The following PACS1 variants were observed in gnomAD, a reference collection of about 807,000 sequenced individuals.
PACS1 encodes the protein phosphofurin acidic cluster sorting protein 1.
Under a neutral mutation model 115.0 loss-of-function variants are expected in PACS1, and 24 were observed. The observed-to-expected ratio is 0.21, with a 90% CI of 0.15 to 0.29. PACS1 has a LOEUF of 0.29. PACS1 is among the 10% of genes least tolerant of loss of function. The pLI, the probability that PACS1 is intolerant of heterozygous loss-of-function variation, is 1.00. For missense variants in PACS1, 838 were observed against 1,251.2 expected (o/e 0.67, Z 4.98); for synonymous variants, 453 against 504.5 (o/e 0.90, Z 1.37).
At chr11:66,091,626 T>G (rs1857667915) in intron 1 of PACS1, among the ~76,000 whole-genome samples, 1 of 151,502 alleles carries the variant, frequency 6.6e-6, no homozygotes, top group African/African-American at 2.4e-5. Context: ...ACCCATTAAC[T>G]CATCATTTAG....
intron 1 of PACS1, among the ~76,000 whole-genome samples, chr11:66,132,234 GC>G (rs148930444): frequency 0.026 from 4,015 of 152,208 alleles, 168 homozygotes; most frequent in African/African-American, 0.091. Context: ...TATAAATGGT[GC>G]TTTTTTCCTG....
At chr11:66,085,456 AT>A (rs1485751935) in intron 1 of PACS1, among the ~76,000 whole-genome samples, 2 of 152,254 alleles carry the variant, frequency 1.3e-5, no homozygotes, top group African/African-American at 4.8e-5. Context: ...CGTTCTGCTC[AT>A]TATATCTAGA....
At chr11:66,115,837 G>A (rs1262260798) in intron 1 of PACS1, among the ~76,000 whole-genome samples, 1 of 152,086 alleles carries the variant, frequency 6.6e-6, no homozygotes, top group Non-Finnish European at 1.5e-5. Flanking sequence ...TTACAAGTAC[G>A]CTTAAAGCAC....
intron 13 of PACS1, 39 bp downstream of exon 13, chr11:66,230,979 G>A (rs376287820): frequency 4.3e-5 from 69 of 1,612,024 alleles, no homozygotes; most frequent in Non-Finnish European, 5.7e-5. Flanking sequence ...GACCCTCTGA[G>A]ATTCCCTGAA....
intron 1 of PACS1, among the ~76,000 whole-genome samples, chr11:66,085,044 C>T (rs956124625): frequency 6.6e-6 from 1 of 152,154 alleles, no homozygotes; most frequent in African/African-American, 2.4e-5. Context: ...CTCTGCAATC[C>T]TTATTTATTT....
intron 10 of PACS1, among the ~76,000 whole-genome samples, chr11:66,224,014 A>G (rs1855416230): frequency 6.6e-6 from 1 of 152,138 alleles, no homozygotes. Flanking sequence ...CCTGGCCAAC[A>G]TGGCAAAACC....
At position 66,219,769 on chromosome 11, in the gene PACS1, T is replaced by C. The variant is rs966181361; in HGVS notation, c.1002T>C (p.Phe334=). ...AGCAACCTAACATCAAACAGAAGTT[T>C]GTGGCCCTCCTGAAGCGGTTTAAAG... The part of the protein sequence containing the change: ...ITRQPNIKQK[F]VALLKRFKVS... Residue 334 remains phenylalanine (F), a synonymous_variant, in exon 8 of 24, where the codon TTT becomes TTC. Transcript: ENST00000320580. The C allele has an allele frequency of 1.2e-6, 2 of 1,613,810 alleles. No individual in the cohort carries two copies. The highest frequency in any genetic ancestry group is 1.3e-5 in the African/African-American group (1 of 74,910).
At chr11:66,204,095 T>C (rs1854878632) in intron 2 of PACS1, among the ~76,000 whole-genome samples, 1 of 152,110 alleles carries the variant, frequency 6.6e-6, no homozygotes, top group African/African-American at 2.4e-5. Flanking sequence ...CGGTGGCTCA[T>C]GCCTGTAATC....
chr11:66,162,112 GTTTTTTTTTTTTTTTTTTTT>G (rs58980906), intron 1 of PACS1, among the ~76,000 whole-genome samples: 25 of 56,368 alleles, frequency 4.4e-4, no homozygotes, highest in African/African-American at 1.7e-3. Context: ...GGTGGTGGTG[GTTTTTTTTTTTTTTTTTTTT>G]TTTTTTTTTT....
At chr11:66,170,996 G>A (rs1258196569) in intron 1 of PACS1, among the ~76,000 whole-genome samples, 1 of 149,532 alleles carries the variant, frequency 6.7e-6, no homozygotes, top group Non-Finnish European at 1.5e-5. Context: ...ATGTATGTTT[G>A]AAAAGATTGT....
chr11:66,234,296 G>A, intron 17 of PACS1, 54 bp downstream of exon 17: 1 of 1,218,250 alleles, frequency 8.2e-7, no homozygotes, highest in Non-Finnish European at 1.2e-6. Flanking sequence ...ACAGGTGCCA[G>A]CCTGGCTGCA....
At chr11:66,118,193 A>G (rs923834495) in intron 1 of PACS1, among the ~76,000 whole-genome samples, 2 of 152,260 alleles carry the variant, frequency 1.3e-5, no homozygotes, top group East Asian at 1.9e-4. Flanking sequence ...TATGGAACAT[A>G]AACAGCATAG....
intron 1 of PACS1, among the ~76,000 whole-genome samples, chr11:66,077,709 T>TG (rs900241737): frequency 9.9e-5 from 15 of 150,912 alleles, no homozygotes; most frequent in Non-Finnish European, 2.1e-4. Flanking sequence ...GTTTGTTTTT[T>TG]TTTTTTTTTT....
chr11:66,126,579 G>A (rs1163598617), intron 1 of PACS1, among the ~76,000 whole-genome samples: 1 of 151,654 alleles, frequency 6.6e-6, no homozygotes, highest in Non-Finnish European at 1.5e-5. Flanking sequence ...GAAATCCTTT[G>A]TGGTTGTCTG....
intron 1 of PACS1, among the ~76,000 whole-genome samples, chr11:66,158,603 A>T (rs186473077): frequency 2.1e-4 from 32 of 152,324 alleles, no homozygotes. Flanking sequence ...TGGGTGGCTG[A>T]GGTGGGAGTA....
intron 1 of PACS1, among the ~76,000 whole-genome samples, chr11:66,126,285 C>T (rs1415888163): frequency 6.6e-6 from 1 of 152,180 alleles, no homozygotes; most frequent in Non-Finnish European, 1.5e-5. Context: ...TTGGGCTTTA[C>T]TTTGCCCTTG....
At chr11:66,218,102 A>G (rs952665337) in intron 7 of PACS1, 1 of 152,190 alleles carries the variant, frequency 6.6e-6, no homozygotes, top group South Asian at 2.1e-4. Context: ...CTCTCCCACC[A>G]AGAACACAGA....
At position 66,235,891 on chromosome 11, in the gene PACS1, C is replaced by G; in HGVS notation, c.2208-7C>G. ...TAACTATGAAGCTCTCCTGTGTCTC[C>G]CAACAGCCCTGATGAAGACTCCTAT... On this transcript the variant is annotated splice_region_variant and splice_polypyrimidine_tract_variant and intron_variant, in intron 18 of 23. Coordinates refer to ENST00000320580, the MANE Select transcript of PACS1 (RefSeq NM_018026.4). This position sits in a 1 kb window ranked among gnomAD's most constrained non-coding sequence, Gnocchi z 5.6. The G allele has an allele frequency of 1.2e-6, 2 of 1,613,218 alleles. No homozygotes were observed. Among genetic ancestry groups the G allele is most frequent in the Non-Finnish European group, 1.7e-6 (2 of 1,179,174 alleles).
intron 1 of PACS1, among the ~76,000 whole-genome samples, chr11:66,156,785 C>T (rs1194833805): frequency 2.0e-5 from 3 of 150,608 alleles, no homozygotes; most frequent in Middle Eastern, 3.4e-3. Flanking sequence ...ACCTGGGAGG[C>T]GGAGCTTGCG....
Sources: allele counts gnomAD v4.1 joint callset (sites outside exome capture counted in the v4.1 genomes callset), GRCh38; gene constraint gnomAD v4.1.1; non-coding constraint Gnocchi (gnomAD v3.1); transcripts MANE v1.5; gene names NCBI Gene and HGNC (gene_info 2026-07-23, HGNC 2026-07-21).